The following NAV2 variants were observed in gnomAD, a reference collection of about 807,000 sequenced individuals.
NAV2 encodes the protein neuron navigator 2, also known as helicase, APC down-regulated 1.
Under a neutral mutation model 223.2 loss-of-function variants are expected in NAV2, and 54 were observed. The ratio of observed to expected loss-of-function variants is 0.24; its 90% CI spans 0.19 to 0.30. The LOEUF is 0.30. Among genes scored for constraint, NAV2 ranks in the 10% least tolerant of loss-of-function variants. The pLI, the probability that NAV2 is intolerant of heterozygous loss-of-function variation, is 1.00. For missense variants in NAV2, 2,806 were observed against 3,147.5 expected (o/e 0.89, Z 2.60); for synonymous variants, 1,279 against 1,239.3 (o/e 1.03, Z -0.67).
At chr11:19,868,596 TA>T (rs1251953729) in intron 3 of NAV2, among the ~76,000 whole-genome samples, 1 of 152,192 alleles carries the variant, frequency 6.6e-6, no homozygotes, top group Non-Finnish European at 1.5e-5. Flanking sequence ...GTGTGTCCAC[TA>T]ACCCTTTCCC....
chr11:19,571,090 A>G (rs914352053), intron 1 of NAV2, among the ~76,000 whole-genome samples: 4 of 152,254 alleles, frequency 2.6e-5, no homozygotes, highest in African/African-American at 9.6e-5. Flanking sequence ...ATACAATGGA[A>G]TATTATTCAG....
At chr11:19,890,195 T>C (rs1455374664) in intron 5 of NAV2, among the ~76,000 whole-genome samples, 1 of 152,184 alleles carries the variant, frequency 6.6e-6, no homozygotes, top group Non-Finnish European at 1.5e-5. Flanking sequence ...AGGTAAGGAA[T>C]TTGAATCTCA....
intron 1 of NAV2, among the ~76,000 whole-genome samples, chr11:19,502,467 AG>A (rs1342924230): frequency 6.6e-6 from 1 of 152,192 alleles, no homozygotes; most frequent in Non-Finnish European, 1.5e-5. Flanking sequence ...TGCTGATGAC[AG>A]CTATAGGTTT....
rs1490389457 is a variant in NAV2 at position 19,537,541 on chromosome 11, C to CT, written c.75+186515dup. Among the ~76,000 whole-genome samples, 7 of 152,336 alleles carry CT rather than the reference C, an allele frequency of 4.6e-5. No individual in the cohort carries two copies. In the South Asian group the frequency reaches 1.5e-3, roughly 32 times the overall value. On this transcript the variant is annotated intron_variant, in intron 1 of 37. Coordinates refer to the NAV2 transcript ENST00000360655. ...CTTCCTGCTGCATGGATTTGATTTG[C>CT]TGTGCAGTGGAAGCTGACAGTCAGT...
intron 1 of NAV2, among the ~76,000 whole-genome samples, chr11:19,416,184 A>G (rs1167527990): frequency 6.6e-6 from 1 of 152,246 alleles, no homozygotes; most frequent in South Asian, 2.1e-4. Flanking sequence ...ATGATTGTAT[A>G]TTTAGAAAAC....
intron 25 of NAV2, 143 bp from the exon 26 acceptor site, chr11:20,082,864 C>G: frequency 1.2e-6 from 1 of 830,008 alleles, no homozygotes; most frequent in Non-Finnish European, 1.9e-6. Flanking sequence ...TGCACTGATT[C>G]AAAAGAGCTC....
At chr11:19,570,143 A>C (rs2045383879) in intron 1 of NAV2, among the ~76,000 whole-genome samples, 1 of 152,190 alleles carries the variant, frequency 6.6e-6, no homozygotes, top group Admixed American at 6.6e-5. Flanking sequence ...AACAGGAGGC[A>C]GATCTGGAGA....
At chr11:19,800,656 G>GA (rs2058192016) in intron 1 of NAV2, among the ~76,000 whole-genome samples, 1 of 149,070 alleles carries the variant, frequency 6.7e-6, no homozygotes, top group Non-Finnish European at 1.5e-5. Flanking sequence ...CAAAAAGAGA[G>GA]AAAAAAAGGA....
Position 20,055,776 on chromosome 11 carries a change from C to T in NAV2, c.4650C>T (p.Pro1550=), listed in dbSNP as rs2058326928. 6.2e-7 allele frequency: 1 copy of T among 1,613,792 alleles called. No individual in the cohort carries two copies. The highest frequency in any genetic ancestry group is 8.5e-7 in the Non-Finnish European group (1 of 1,179,794). The part of the protein sequence containing the change: ...TRFNFSQLAS[P]TTVTQMSLSN... ...CTATTCCTTTTATTCCAGCGAGTCC[C>T]ACCACTGTCACCCAGATGAGCTTGT... Residue 1550 remains proline, a synonymous_variant, in exon 19 of 38, where the codon CCC becomes CCT. Transcript: ENST00000349880.
chr11:19,532,203 G>T (rs768220020), intron 1 of NAV2, among the ~76,000 whole-genome samples: 2 of 152,198 alleles, frequency 1.3e-5, no homozygotes, highest in African/African-American at 2.4e-5. Context: ...CTGTGGAGCT[G>T]CTCTGCAGGG....
chr11:20,034,265 G>A lies in NAV2; in HGVS notation c.2769-1694G>A, dbSNP rs537391925. Among the ~76,000 whole-genome samples, 21 of 151,250 alleles carry A rather than the reference G, an allele frequency of 1.4e-4. 1 individual carries two copies. The South Asian group carries it at 3.1e-3, about 23-fold the overall frequency. On this transcript the variant is annotated intron_variant, in intron 11 of 37. Transcript: ENST00000349880. Reference sequence around the variant, plus strand: ...AACAATAATACCCTTTTCCCCTATAGGTCAATTAGAGTAGTGTCACACTGA... The same window carrying A: ...AACAATAATACCCTTTTCCCCTATAAGTCAATTAGAGTAGTGTCACACTGA...
intron 1 of NAV2, among the ~76,000 whole-genome samples, chr11:19,591,654 A>C (rs2046066631): frequency 6.6e-6 from 1 of 152,184 alleles, no homozygotes; most frequent in Non-Finnish European, 1.5e-5. Context: ...AGGGATCAGG[A>C]CTTGAAAGAT....
At chr11:19,521,717 C>A (rs1189060550) in intron 1 of NAV2, among the ~76,000 whole-genome samples, 1 of 152,158 alleles carries the variant, frequency 6.6e-6, no homozygotes, top group South Asian at 2.1e-4. Context: ...AACCACCCTG[C>A]ACATAGGCCT....
chr11:19,965,184 TG>T (rs756394741), intron 10 of NAV2, among the ~76,000 whole-genome samples: 1 of 147,720 alleles, frequency 6.8e-6, no homozygotes, highest in Non-Finnish European at 1.5e-5. Flanking sequence ...CACAGGGATT[TG>T]GGGGGGCGGG....
intron 1 of NAV2, among the ~76,000 whole-genome samples, chr11:19,545,352 C>T (rs1019988438): frequency 1.3e-5 from 2 of 152,164 alleles, no homozygotes; most frequent in African/African-American, 4.8e-5. Flanking sequence ...TTCCTCCAAG[C>T]CTCTTTGGTT....
rs762957031 is a variant in NAV2, at chr11:19,879,979, C to T, written c.622C>T (p.Pro208Ser). 3 of 1,613,632 alleles carry T rather than the reference C, an allele frequency of 1.9e-6. No individual in the cohort carries two copies. The Admixed American group carries it at 5.0e-5, about 27-fold the overall frequency. ...QKQHLSSPLPPAVSQVAGAPS... is the reference protein window; with the variant it reads ...QKQHLSSPLPSAVSQVAGAPS... ...GCAGCACCTCTCCTCACCTCTGCCG[C>T]CCGCCGTATCCCAGGTGGCCGGGGC... Residue 208 changes from proline (P) to serine (S), a missense_variant, in exon 5 of 38, where the codon CCC (proline) becomes TCC (serine). Pro to Ser is a moderately conservative substitution (Grantham distance 74). This residue lies in a region of NAV2 where 1,167 missense variants were observed against 1,180.5 expected (regional missense o/e 0.99). Transcript: ENST00000349880.
chr11:20,053,457 A>G (rs554820350), intron 17 of NAV2, among the ~76,000 whole-genome samples: 19 of 152,330 alleles, frequency 1.2e-4, no homozygotes, highest in African/African-American at 4.6e-4. Context: ...CAGATGTTCA[A>G]TAAATCATCA....
chr11:19,812,270 G>C (rs2058873449), intron 1 of NAV2, among the ~76,000 whole-genome samples: 1 of 151,928 alleles, frequency 6.6e-6, no homozygotes, highest in African/African-American at 2.4e-5. Flanking sequence ...GCCTTTGCAT[G>C]GTTGCTCTCT....
At chr11:19,917,285 A>G (rs1222344416) in intron 6 of NAV2, among the ~76,000 whole-genome samples, 2 of 152,192 alleles carry the variant, frequency 1.3e-5, no homozygotes, top group African/African-American at 2.4e-5. Flanking sequence ...GGTTTCCAAG[A>G]GATACGCATT....
Sources: gnomAD v4.1 joint callset for allele counts (sites outside exome capture counted in the v4.1 genomes callset) on GRCh38, gnomAD v4.1.1 for gene constraint, gnomAD v4.1.1 regional missense constraint, MANE v1.5 for transcripts, NCBI Gene and HGNC (gene_info 2026-07-23, HGNC 2026-07-21) for gene names.